The following PCDHAC2 variants were observed in gnomAD, a reference collection of about 807,000 sequenced individuals.
The protein encoded by PCDHAC2 is protocadherin alpha-C2.
PCDHAC2 carries 24 observed loss-of-function variants against 63.3 expected under a neutral mutation model. The observed-to-expected ratio is 0.38, with a 90% CI of 0.27 to 0.53. PCDHAC2 has a LOEUF of 0.53. Ranked by LOEUF, PCDHAC2 falls within the 20% of genes least tolerant of loss-of-function variation. PCDHAC2 has a pLI of 0.81. For synonymous variants in PCDHAC2, 569 were observed against 529.4 expected (o/e 1.07, Z -1.03); for missense variants, 1,181 against 1,275.2 (o/e 0.93, Z 1.12).
chr5:140,968,689 A>T lies in PCDHAC2; in HGVS notation c.1923A>T (p.Glu641Asp). ...TTAAGGTAGAGCTGCACACAGGAGA[A>T]ATTAGGACTACCAGGAAGATGGGAG... ...DLFKVELHTGEIRTTRKMGDE... is the reference protein window; with the variant it reads ...DLFKVELHTGDIRTTRKMGDE... The change falls in exon 1 of 4, where the codon GAA (glutamate) becomes GAT (aspartate). Residue 641 changes from glutamate to aspartate, a missense_variant. Physicochemically the swap from Glu to Asp is conservative, Grantham distance 45 (BLOSUM62 2). Coordinates refer to ENST00000289269, the MANE Select transcript of PCDHAC2 (RefSeq NM_018899.6). 2.5e-6 allele frequency: 4 copies of T among 1,614,124 alleles called. No homozygotes were observed. The highest frequency in any genetic ancestry group is 3.4e-6 in the Non-Finnish European group (4 of 1,180,034).
At position 140,969,220 on chromosome 5, in the gene PCDHAC2, G is replaced by A. The variant is rs2096308533; in HGVS notation, c.2454G>A (p.Gly818=). 1 of 1,614,084 alleles carries A rather than the reference G, an allele frequency of 6.2e-7. No homozygotes were observed. The highest frequency in any genetic ancestry group is 1.3e-5 in the African/African-American group (1 of 74,924). The part of the protein sequence containing the change: ...FYNTGAQTGP[G]PSGAQAAVTD... The stretch of plus-strand genomic sequence containing the variant: ...ATACAGGGGCCCAGACAGGACCAGG[G>A]CCTTCGGGAGCCCAAGCAGCAGTGA... The change falls in exon 1 of 4, where the codon GGG becomes GGA. Residue 818 remains glycine (G), a synonymous_variant. Transcript: ENST00000289269.
In PCDHAC2 at chr5:140,990,870, T is replaced by G. The variant is rs550033552; in HGVS notation, c.2713+8307T>G. Among the ~76,000 whole-genome samples, 16 of 152,274 alleles carry G rather than the reference T, an allele frequency of 1.1e-4. No individual in the cohort carries two copies. The South Asian group carries it at 3.3e-3, about 32-fold the overall frequency. On this transcript the variant is annotated intron_variant, in intron 3 of 3. Coordinates refer to ENST00000289269, the MANE Select transcript of PCDHAC2 (RefSeq NM_018899.6). ...AGCCCTGAGGACATTGTATTTTAAG[T>G]GTATGTTCCAGTGAGTGGGTCGTTG...
At position 141,009,867 on chromosome 5, in the gene PCDHAC2, A is replaced by C. The variant is rs374660085; in HGVS notation, c.2954A>C (p.Lys985Thr). 4.3e-6 allele frequency: 7 copies of C among 1,613,976 alleles called. No individual in the cohort carries two copies. The African/African-American group carries it at 9.3e-5, about 22-fold the overall frequency. ...GAGGAGACCAAGAAAAAGAAGAAAA[A>C]GAAGAAGGGTAACAAGACCCAGGAG... Reference protein sequence around the residue: ...KKEETKKKKKKKKGNKTQEKK... With the variant: ...KKEETKKKKKTKKGNKTQEKK... Residue 985 changes from lysine (K) to threonine (T), a missense_variant, in exon 4 of 4, where the codon AAG becomes ACG. Coordinates refer to ENST00000289269, the MANE Select transcript of PCDHAC2 (RefSeq NM_018899.6).
rs370989006 is a variant in PCDHAC2 at position 141,009,739 on chromosome 5, C to T, written c.2826C>T (p.Pro942=). The change falls in exon 4 of 4, where the codon CCC becomes CCT. Residue 942 remains proline (P), a synonymous_variant. Transcript: ENST00000289269. ...AACAATCCGGTCCCGGTGAGTTGCC[C>T]GACAAATTCATTATCCCAGGATCTC... ...NPKQSGPGEL[P]DKFIIPGSPA... is the part of the protein sequence containing the mutation. 55 of 1,614,008 alleles carry T rather than the reference C, an allele frequency of 3.4e-5. No homozygotes were observed. Among genetic ancestry groups the T allele is most frequent in the African/African-American group, 2.4e-4 (18 of 74,972 alleles).
At chr5:140,990,542 C>T (rs2097399330) in intron 3 of PCDHAC2, among the ~76,000 whole-genome samples, 1 of 152,180 alleles carries the variant, frequency 6.6e-6, no homozygotes, top group South Asian at 2.1e-4. Context: ...ATCATAGATA[C>T]TGTATTACCC....
At chr5:140,973,449 C>CT (rs2096588066) in intron 1 of PCDHAC2, among the ~76,000 whole-genome samples, 1 of 152,188 alleles carries the variant, frequency 6.6e-6, no homozygotes, top group African/African-American at 2.4e-5. Flanking sequence ...TTTATAATGA[C>CT]TGGGGCTGTT....
rs1483756278 is a variant in PCDHAC2, at chr5:140,982,223, T to TA, written c.2625-246dup. On this transcript the variant is annotated intron_variant, in intron 2 of 3. Transcript: ENST00000289269. Reference sequence around the variant, plus strand: ...TTTAGTGAGCGCCACATGGCGTTAATAAAAAACAGAATTGCCATAAAGATA... The same window carrying TA: ...TTTAGTGAGCGCCACATGGCGTTAATAAAAAAACAGAATTGCCATAAAGATA... 8.6e-6 allele frequency: 5 copies of TA among 580,096 alleles called. No homozygotes were observed. In the East Asian group the frequency reaches 1.2e-4, roughly 14 times the overall value. The allele number at this position is 580,096 out of a possible 1,614,324, so 35.9% of individuals were successfully genotyped here. A position where few individuals can be genotyped will look rare whatever the true frequency, so the allele number is the denominator to read the frequency against.
At chr5:140,974,779 C>T (rs950634910) in intron 1 of PCDHAC2, among the ~76,000 whole-genome samples, 1 of 152,160 alleles carries the variant, frequency 6.6e-6, no homozygotes, top group African/African-American at 2.4e-5. Context: ...TGAGCCACTG[C>T]GCCCAGCCCT....
chr5:140,981,138 G>A (rs1554242668), intron 2 of PCDHAC2, among the ~76,000 whole-genome samples: 11 of 152,206 alleles, frequency 7.2e-5, no homozygotes. Flanking sequence ...GTCAAAGAGT[G>A]AGAAAACATT....
rs2096720992 is a variant in PCDHAC2 at position 140,976,533 on chromosome 5, A to G, written c.2566-2416A>G. 2.0e-5 allele frequency among the ~76,000 whole-genome samples: 3 copies of G among 152,170 alleles called. No homozygotes were observed. In the South Asian group the frequency reaches 6.2e-4, roughly 32 times the overall value. Reference sequence around the variant, plus strand: ...GCCACTGCACACCAGCCTAAATGACAGAGTAAGACCCTATCTCATAAATAA... The same window carrying G: ...GCCACTGCACACCAGCCTAAATGACGGAGTAAGACCCTATCTCATAAATAA... On this transcript the variant is annotated intron_variant, in intron 1 of 3. Coordinates refer to ENST00000289269, the MANE Select transcript of PCDHAC2 (RefSeq NM_018899.6).
At chr5:140,998,380 A>G (rs921989792) in intron 3 of PCDHAC2, among the ~76,000 whole-genome samples, 2 of 152,188 alleles carry the variant, frequency 1.3e-5, no homozygotes, top group African/African-American at 4.8e-5. Context: ...GTCTCTAGAA[A>G]GTTTAATGCC....
intron 3 of PCDHAC2, among the ~76,000 whole-genome samples, chr5:140,984,886 C>A (rs1254649508): frequency 1.3e-5 from 2 of 151,720 alleles, no homozygotes; most frequent in Non-Finnish European, 2.9e-5. Context: ...ACCATGAGAA[C>A]TAAAGGAGAA....
intron 3 of PCDHAC2, among the ~76,000 whole-genome samples, chr5:140,990,685 C>T (rs1451672615): frequency 2.6e-5 from 4 of 152,252 alleles, no homozygotes; most frequent in South Asian, 4.1e-4. Context: ...AAGCTGCTTT[C>T]GGAGAGTCCA....
intron 3 of PCDHAC2, among the ~76,000 whole-genome samples, chr5:140,993,203 A>AT (rs200893072): frequency 0.015 from 2,264 of 152,198 alleles, 62 homozygotes; most frequent in African/African-American, 0.051. Flanking sequence ...ACTAAAGCTA[A>AT]TTTTTTTAGC....
chr5:140,984,340 T>C (rs1224859959), intron 3 of PCDHAC2, among the ~76,000 whole-genome samples: 1 of 152,242 alleles, frequency 6.6e-6, no homozygotes, highest in African/African-American at 2.4e-5. Flanking sequence ...ATAGGAACCA[T>C]GTATTGATAT....
intron 1 of PCDHAC2, among the ~76,000 whole-genome samples, chr5:140,977,005 A>C (rs982594376): frequency 3.3e-5 from 5 of 152,156 alleles, no homozygotes; most frequent in Non-Finnish European, 5.9e-5. Flanking sequence ...AAATCTTGTA[A>C]CTGTGATTCT....
Position 140,979,220 on chromosome 5 carries a change from C to T in PCDHAC2, c.2624+213C>T, listed in dbSNP as rs552719327. ...TATCAAGTGCTGGCATATAAGAGTC[C>T]TCTGTAAAATCACAGAAACAGGCTG... On this transcript the variant is annotated intron_variant, in intron 2 of 3. Transcript: ENST00000289269. Among the ~76,000 whole-genome samples, 27 of 152,304 alleles carry T rather than the reference C, an allele frequency of 1.8e-4. 1 individual carries two copies. The highest frequency in any genetic ancestry group is 6.3e-4 in the African/African-American group (26 of 41,574).
Position 140,978,986 on chromosome 5 carries a change from C to A in PCDHAC2, c.2603C>A (p.Ser868Tyr). The change falls in exon 2 of 4, where the codon TCC becomes TAC. Residue 868 changes from serine (S) to tyrosine (Y), a missense_variant. Ser to Tyr is a moderately radical substitution (Grantham distance 144). Coordinates refer to ENST00000289269, the MANE Select transcript of PCDHAC2 (RefSeq NM_018899.6). ...AACCCTGACTGGCGTTACTCTGCCT[C>A]CCTGAGAGCAGGCATGCACAGGTAT... ...QPNPDWRYSA[S>Y]LRAGMHSSVH... is the part of the protein sequence containing the mutation. The A allele has an allele frequency of 6.2e-7, 1 of 1,614,190 alleles. No homozygotes were observed. The highest frequency in any genetic ancestry group is 1.7e-5 in the Admixed American group (1 of 60,026).
chr5:140,983,504 G>A (rs2097054493), intron 3 of PCDHAC2, among the ~76,000 whole-genome samples: 1 of 152,160 alleles, frequency 6.6e-6, no homozygotes, highest in Non-Finnish European at 1.5e-5. Flanking sequence ...GCCATAATAT[G>A]CCTAGACACT....
Sources: gnomAD v4.1 joint callset for allele counts (sites outside exome capture counted in the v4.1 genomes callset) on GRCh38, gnomAD v4.1.1 for gene constraint, MANE v1.5 for transcripts, NCBI Gene and HGNC (gene_info 2026-07-23, HGNC 2026-07-21) for gene names.